The following LTBP1 variants were observed in gnomAD, a reference collection of about 807,000 sequenced individuals.
LTBP1 encodes latent transforming growth factor beta binding protein 1, also known as latent-transforming growth factor beta-binding protein 1.
LTBP1 carries 129 observed loss-of-function variants against 207.6 expected under a neutral mutation model. That is an observed-to-expected ratio of 0.62 (90% CI 0.54 to 0.72). The LOEUF (loss-of-function observed/expected upper bound fraction) is 0.72. Among genes scored for constraint, LTBP1 ranks in the 30% least tolerant of loss-of-function variants. LTBP1 has a pLI of 0.00. For synonymous variants in LTBP1, 963 were observed against 833.7 expected, an observed-to-expected ratio of 1.16 and a Z score of -2.67; for missense variants, 2,281 against 2,217.2, an observed-to-expected ratio of 1.03 and a Z score of -0.58.
At chr2:33,385,493 T>C (rs1158779856) in intron 31 of LTBP1, among the ~76,000 whole-genome samples, 1 of 152,362 alleles carries the variant, frequency 6.6e-6, no homozygotes, top group Non-Finnish European at 1.5e-5. Context: ...TTCTTGATGC[T>C]TCAAATTTTT....
rs1299348789 is a variant in LTBP1, at chr2:33,275,016, A to G, written c.2795A>G (p.Glu932Gly). 2.5e-6 allele frequency: 4 copies of G among 1,614,006 alleles called. No individual in the cohort carries two copies. The highest frequency in any genetic ancestry group is 2.5e-6 in the Non-Finnish European group (3 of 1,179,992). The change falls in exon 17 of 34, where the codon GAA becomes GGA. Residue 932 changes from glutamate to glycine, a missense_variant. Glu to Gly is a moderately conservative substitution (Grantham distance 98). Transcript: ENST00000404816. ...VQHLCSQGRC[E>G]NTEGSFLCIC... ...CACCTCTGCTCCCAGGGCCGCTGTG[A>G]AAACACCGAGGGAAGTTTCTTGTGC...
chr2:33,266,154 T>C (rs2093169613), intron 15 of LTBP1, among the ~76,000 whole-genome samples: 1 of 152,198 alleles, frequency 6.6e-6, no homozygotes, highest in Non-Finnish European at 1.5e-5. Flanking sequence ...CAGCGCCTGC[T>C]CCAGGGTGGA....
At chr2:33,339,491 G>A (rs546493196) in intron 24 of LTBP1, among the ~76,000 whole-genome samples, 10 of 152,132 alleles carry the variant, frequency 6.6e-5, no homozygotes, top group African/African-American at 1.4e-4. Context: ...ATTTGGTGAC[G>A]CGATGCAGTT....
chr2:33,181,522 T>G (rs551419940), intron 5 of LTBP1, among the ~76,000 whole-genome samples: 1 of 152,328 alleles, frequency 6.6e-6, no homozygotes, highest in East Asian at 1.9e-4. Flanking sequence ...TGAGATACTT[T>G]GAGTGACCGT....
chr2:33,240,942 G>C (rs1297716555), intron 9 of LTBP1, among the ~76,000 whole-genome samples: 2 of 152,094 alleles, frequency 1.3e-5, no homozygotes, highest in Admixed American at 1.3e-4. Flanking sequence ...GAGCCACCGC[G>C]CCCGGCCAGA....
intron 31 of LTBP1, among the ~76,000 whole-genome samples, chr2:33,381,540 C>T (rs764932565): frequency 6.6e-6 from 1 of 152,118 alleles, no homozygotes; most frequent in Non-Finnish European, 1.5e-5. Flanking sequence ...TCCCTGTCCT[C>T]GACAAGTACA....
At chr2:33,165,646 T>G (rs2084848374) in intron 5 of LTBP1, among the ~76,000 whole-genome samples, 1 of 152,230 alleles carries the variant, frequency 6.6e-6, no homozygotes, top group Non-Finnish European at 1.5e-5. Context: ...ACTTTAAACT[T>G]GTACAGTAAA....
chr2:33,099,842 G>A (rs10183425), intron 3 of LTBP1, among the ~76,000 whole-genome samples: 11,220 of 152,120 alleles, frequency 0.074, 512 homozygotes, highest in South Asian at 0.19. Context: ...CTAGTAAGAG[G>A]GAAAATTGTG....
At chr2:33,148,974 G>A (rs2150942951) in intron 5 of LTBP1, among the ~76,000 whole-genome samples, 1 of 152,168 alleles carries the variant, frequency 6.6e-6, no homozygotes, top group Middle Eastern at 3.4e-3. Flanking sequence ...CAGCACTTTG[G>A]GAGGCCGAGG....
At position 33,087,084 on chromosome 2, in the gene LTBP1, C is replaced by CTTTTTTTTTTTTTT. The variant is rs35334788; in HGVS notation, c.864-23487_864-23474dup. Among the ~76,000 whole-genome samples, 195 of 88,940 alleles carry CTTTTTTTTTTTTTT rather than the reference C, an allele frequency of 2.2e-3. 17 individuals are homozygous for CTTTTTTTTTTTTTT. Among genetic ancestry groups the CTTTTTTTTTTTTTT allele is most frequent in the Middle Eastern group, 7.5e-3 (1 of 134 alleles). The allele number at this position is 88,940 out of a possible 152,430, so 58.3% of individuals were successfully genotyped here. A position where few individuals can be genotyped will look rare whatever the true frequency, so the allele number is the denominator to read the frequency against. ...AGCACCAGGCTGTCCCTCCTTTATGCTTTTTTTTTTTTTTTTTTTTTTTTG... is the reference window on the plus strand; with the variant it reads ...AGCACCAGGCTGTCCCTCCTTTATGCTTTTTTTTTTTTTTTTTTTTTTTTTTTTTTTTTTTTTTG... On this transcript the variant is annotated intron_variant, in intron 3 of 33. Coordinates refer to ENST00000404816, the MANE Select transcript of LTBP1 (RefSeq NM_206943.4).
intron 31 of LTBP1, among the ~76,000 whole-genome samples, chr2:33,374,298 T>C (rs1297525187): frequency 6.6e-6 from 1 of 152,208 alleles, no homozygotes; most frequent in African/African-American, 2.4e-5. Context: ...CTTTCTGCTT[T>C]TGGTCCTGGC....
chr2:33,235,629 A>G (rs2092006550), intron 9 of LTBP1, among the ~76,000 whole-genome samples: 1 of 152,238 alleles, frequency 6.6e-6, no homozygotes, highest in Admixed American at 6.5e-5. Context: ...CACTGTTCAC[A>G]ATAGCAAAGA....
At chr2:33,204,062 A>G (rs1462716240) in intron 7 of LTBP1, among the ~76,000 whole-genome samples, 1 of 152,174 alleles carries the variant, frequency 6.6e-6, no homozygotes, top group Non-Finnish European at 1.5e-5. Flanking sequence ...CTGGTTTACT[A>G]AAAAAATCAG....
chr2:33,201,794 TA>T (rs1393605128), intron 7 of LTBP1, among the ~76,000 whole-genome samples: 1 of 152,208 alleles, frequency 6.6e-6, no homozygotes, highest in African/African-American at 2.4e-5. Flanking sequence ...TTTTTTCCTT[TA>T]ATTATTGGTC....
At chr2:33,318,011 AT>A (rs2094297385) in intron 24 of LTBP1, 1 of 152,178 alleles carries the variant, frequency 6.6e-6, no homozygotes, top group African/African-American at 2.4e-5. Flanking sequence ...AGCACTCCAC[AT>A]TCTAAAACTT....
intron 3 of LTBP1, among the ~76,000 whole-genome samples, chr2:33,062,160 T>C (rs1250957157): frequency 1.3e-5 from 2 of 152,188 alleles, no homozygotes; most frequent in African/African-American, 4.8e-5. Flanking sequence ...AGCTTTTTTT[T>C]CTTAATGAGT....
intron 26 of LTBP1, among the ~76,000 whole-genome samples, chr2:33,354,956 G>A (rs1280463801): frequency 2.0e-5 from 3 of 152,062 alleles, no homozygotes; most frequent in Admixed American, 1.3e-4. Flanking sequence ...TGCCGAGGCT[G>A]GTCTCGTTTT....
Position 32,947,671 on chromosome 2 carries a change from G to A in LTBP1, c.347G>A (p.Gly116Glu). Reference sequence around the variant, plus strand: ...CCTGCGCGTCCCGCGGTCCCCGGCGGGCAGCTCCACCCCAATCCCGGCGGC... The same window carrying A: ...CCTGCGCGTCCCGCGGTCCCCGGCGAGCAGCTCCACCCCAATCCCGGCGGC... Reference protein sequence around the residue: ...PEPARPAVPGGQLHPNPGGHP... With the variant: ...PEPARPAVPGEQLHPNPGGHP... The change falls in exon 1 of 34, where the codon GGG (glycine) becomes GAG (glutamate). Residue 116 changes from glycine to glutamate, a missense_variant. Gly to Glu is a moderately conservative substitution (Grantham distance 98). Around this residue, in one of 3 missense-constraint regions of LTBP1, gnomAD observed 555 missense variants for 491.0 expected, o/e 1.13. Coordinates refer to ENST00000404816, the MANE Select transcript of LTBP1 (RefSeq NM_206943.4). 2 of 1,453,930 alleles carry A rather than the reference G, an allele frequency of 1.4e-6. No homozygotes were observed. The highest frequency in any genetic ancestry group is 1.4e-5 in the South Asian group (1 of 72,874). The allele number at this position is 1,453,930 out of a possible 1,614,324, so 90.1% of individuals were successfully genotyped here.
chr2:33,156,501 C>G (rs985265967), intron 5 of LTBP1, among the ~76,000 whole-genome samples: 4 of 152,116 alleles, frequency 2.6e-5, no homozygotes, highest in African/African-American at 9.7e-5. Flanking sequence ...TTCCTCCTCA[C>G]CTGTAGAATG....
Sources: gnomAD v4.1 joint callset for allele counts (sites outside exome capture counted in the v4.1 genomes callset) on GRCh38, gnomAD v4.1.1 for gene constraint, gnomAD v4.1.1 regional missense constraint, MANE v1.5 for transcripts, NCBI Gene and HGNC (gene_info 2026-07-23, HGNC 2026-07-21) for gene names.